PTPRT: variants seen among roughly 807,000 people sequenced by gnomAD.
The protein encoded by PTPRT is receptor-type tyrosine-protein phosphatase T.
In PTPRT, 56 loss-of-function variants were observed where a neutral mutation model predicts 176.8. That is an observed-to-expected ratio of 0.32 (90% CI 0.26 to 0.40). The LOEUF (loss-of-function observed/expected upper bound fraction) is 0.40. PTPRT is among the 10% of genes least tolerant of loss of function. The pLI is 1.00. For synonymous variants in PTPRT, 783 were observed against 739.0 expected (o/e 1.06, Z -0.96); for missense variants, 1,540 against 1,908.2 (o/e 0.81, Z 3.60).
At chr20:42,299,874 C>G (rs935774383) in intron 12 of PTPRT, among the ~76,000 whole-genome samples, 1 of 151,476 alleles carries the variant, frequency 6.6e-6, no homozygotes, top group Non-Finnish European at 1.5e-5. Context: ...GTCTCGATCT[C>G]TTGACCTCAT....
chr20:42,560,668 A>T (rs942095908), intron 7 of PTPRT, among the ~76,000 whole-genome samples: 1 of 152,276 alleles, frequency 6.6e-6, no homozygotes, highest in East Asian at 1.9e-4. Context: ...GTAAGTGAAT[A>T]CTAGTATATG....
At chr20:42,097,145 A>G (rs1985344442) in intron 27 of PTPRT, among the ~76,000 whole-genome samples, 1 of 152,126 alleles carries the variant, frequency 6.6e-6, no homozygotes, top group African/African-American at 2.4e-5. Flanking sequence ...TATTCATAGA[A>G]AGGATTCTGT....
At chr20:43,054,280 A>C (rs1013125962) in intron 1 of PTPRT, among the ~76,000 whole-genome samples, 2 of 152,202 alleles carry the variant, frequency 1.3e-5, no homozygotes, top group African/African-American at 4.8e-5. Flanking sequence ...CCAGCCAGGC[A>C]CAATGGCTCA....
intron 1 of PTPRT, among the ~76,000 whole-genome samples, chr20:42,886,615 T>C (rs541101946): frequency 9.9e-5 from 15 of 152,230 alleles, no homozygotes; most frequent in African/African-American, 3.1e-4. Flanking sequence ...AAAGTCAATG[T>C]TGATCATGTT....
At chr20:43,044,768 T>G (rs751191216) in intron 1 of PTPRT, among the ~76,000 whole-genome samples, 3 of 151,834 alleles carry the variant, frequency 2.0e-5, no homozygotes, top group African/African-American at 2.4e-5. Context: ...GCCAGTGTAG[T>G]GCACGGTGCA....
At chr20:42,180,789 C>A (rs961910746) in intron 16 of PTPRT, among the ~76,000 whole-genome samples, 1 of 152,150 alleles carries the variant, frequency 6.6e-6, no homozygotes, top group African/African-American at 2.4e-5. Context: ...ACCACTGTCC[C>A]AGTATGCCAT....
chr20:42,476,802 G>A (rs754593386), intron 7 of PTPRT, among the ~76,000 whole-genome samples: 2 of 152,114 alleles, frequency 1.3e-5, no homozygotes, highest in Non-Finnish European at 2.9e-5. Flanking sequence ...AAAACAACTC[G>A]ACGGTATAGG....
intron 6 of PTPRT, among the ~76,000 whole-genome samples, chr20:42,696,524 C>T (rs371594530): frequency 1.3e-5 from 2 of 150,874 alleles, no homozygotes; most frequent in South Asian, 4.2e-4. Context: ...GGCATGATCT[C>T]GGCTCACTGC....
intron 7 of PTPRT, among the ~76,000 whole-genome samples, chr20:42,554,111 G>C (rs2072818221): frequency 6.6e-6 from 1 of 152,102 alleles, no homozygotes; most frequent in Non-Finnish European, 1.5e-5. Context: ...CTTGGGAGAA[G>C]AGAAAAGAGT....
intron 9 of PTPRT, among the ~76,000 whole-genome samples, chr20:42,425,551 AGC>A (rs1179961169): frequency 6.6e-6 from 1 of 152,234 alleles, no homozygotes; most frequent in Non-Finnish European, 1.5e-5. Flanking sequence ...TCTAATCTAC[AGC>A]ATGGTGACCA....
intron 6 of PTPRT, among the ~76,000 whole-genome samples, chr20:42,696,358 G>C (rs2075876246): frequency 6.8e-6 from 1 of 147,158 alleles, no homozygotes; most frequent in Non-Finnish European, 1.5e-5. Flanking sequence ...TCCTTTCTCT[G>C]TTTCCTCTCT....
At chr20:43,026,532 CATA>C (rs1985921106) in intron 1 of PTPRT, among the ~76,000 whole-genome samples, 1 of 152,080 alleles carries the variant, frequency 6.6e-6, no homozygotes, top group South Asian at 2.1e-4. Flanking sequence ...TGATAATAAC[CATA>C]ATAATCATAA....
chr20:43,064,374 T>C (rs1258430244), intron 1 of PTPRT, among the ~76,000 whole-genome samples: 2 of 152,148 alleles, frequency 1.3e-5, no homozygotes, highest in African/African-American at 4.8e-5. Context: ...ACTGGAGTGA[T>C]GGAGAAAACA....
At chr20:42,299,739 C>A (rs1448068577) in intron 12 of PTPRT, among the ~76,000 whole-genome samples, 1 of 150,120 alleles carries the variant, frequency 6.7e-6, no homozygotes, top group Non-Finnish European at 1.5e-5. Context: ...CCTCCGCCTT[C>A]TGGTTTCAAG....
chr20:43,054,651 T>A (rs768688047), intron 1 of PTPRT, among the ~76,000 whole-genome samples: 19 of 152,176 alleles, frequency 1.2e-4, no homozygotes, highest in Non-Finnish European at 2.5e-4. Flanking sequence ...CATTTCTATT[T>A]TCTGGAATCC....
intron 12 of PTPRT, among the ~76,000 whole-genome samples, chr20:42,309,100 A>G (rs2057588506): frequency 1.3e-5 from 2 of 152,234 alleles, no homozygotes; most frequent in Non-Finnish European, 2.9e-5. Context: ...GTACCCCTAC[A>G]TGATGGAAAG....
chr20:42,873,511 C>T (rs2078879799), intron 2 of PTPRT, among the ~76,000 whole-genome samples: 1 of 152,148 alleles, frequency 6.6e-6, no homozygotes, highest in African/African-American at 2.4e-5. Flanking sequence ...CCAATAGAAA[C>T]ACAATGTGAG....
intron 7 of PTPRT, among the ~76,000 whole-genome samples, chr20:42,605,406 A>G (rs920560489): frequency 2.6e-5 from 4 of 152,166 alleles, no homozygotes; most frequent in East Asian, 3.9e-4. Flanking sequence ...GAAAAGCTGC[A>G]GGTCTTCAGG....
chr20:42,748,018 C>A (rs2076715027), intron 6 of PTPRT, among the ~76,000 whole-genome samples: 1 of 152,204 alleles, frequency 6.6e-6, no homozygotes, highest in South Asian at 2.1e-4. Context: ...CACTGATCAG[C>A]AAACTGTGGC....
Sources: gnomAD v4.1 joint callset for allele counts (sites outside exome capture counted in the v4.1 genomes callset) on GRCh38, gnomAD v4.1.1 for gene constraint, MANE v1.5 for transcripts, NCBI Gene and HGNC (gene_info 2026-07-23, HGNC 2026-07-21) for gene names.